SLIT3: variants seen among roughly 807,000 people sequenced by gnomAD.
SLIT3 encodes the protein slit homolog 3 protein.
SLIT3 carries 68 observed loss-of-function variants against 184.0 expected under a neutral mutation model. That is an observed-to-expected ratio of 0.37 (90% CI 0.30 to 0.45). The LOEUF is 0.45. Ranked by LOEUF, SLIT3 falls within the 20% of genes least tolerant of loss-of-function variation. The pLI, the probability that SLIT3 is intolerant of heterozygous loss-of-function variation, is 1.00. For synonymous variants in SLIT3, 831 were observed against 828.6 expected, an observed-to-expected ratio of 1.00 and a Z score of -0.05; for missense variants, 1,707 against 2,026.0, an observed-to-expected ratio of 0.84 and a Z score of 3.02.
intron 4 of SLIT3, among the ~76,000 whole-genome samples, chr5:168,996,445 A>C (rs1303863558): frequency 6.6e-6 from 1 of 152,154 alleles, no homozygotes; most frequent in Non-Finnish European, 1.5e-5. Flanking sequence ...TCAATAAAAT[A>C]TTCTTCCCTA....
At chr5:168,767,271 A>C (rs1448700021) in intron 14 of SLIT3, among the ~76,000 whole-genome samples, 1 of 152,186 alleles carries the variant, frequency 6.6e-6, no homozygotes, top group Admixed American at 6.5e-5. Flanking sequence ...CTCAGCTTCT[A>C]GTTCTGAGCT....
chr5:168,973,791 A>T (rs1294634693), intron 4 of SLIT3, among the ~76,000 whole-genome samples: 1 of 152,142 alleles, frequency 6.6e-6, no homozygotes, highest in African/African-American at 2.4e-5. Flanking sequence ...CACCATGCCT[A>T]CCTCACTGTT....
intron 3 of SLIT3, among the ~76,000 whole-genome samples, chr5:169,230,412 C>G (rs1764962637): frequency 6.6e-6 from 1 of 152,214 alleles, no homozygotes; most frequent in Non-Finnish European, 1.5e-5. Flanking sequence ...CGATTCCTCT[C>G]TACTAGGAGC....
At chr5:168,745,368 AAC>A (rs1763767517) in intron 20 of SLIT3, among the ~76,000 whole-genome samples, 2 of 152,152 alleles carry the variant, frequency 1.3e-5, no homozygotes, top group South Asian at 4.1e-4. Flanking sequence ...AATATTATAT[AAC>A]CTCAGTTGAT....
intron 4 of SLIT3, among the ~76,000 whole-genome samples, chr5:169,081,080 G>A (rs530011085): frequency 2.6e-4 from 39 of 152,262 alleles, no homozygotes; most frequent in African/African-American, 8.7e-4. Flanking sequence ...TTTATGGCCT[G>A]GGGGAACAGG....
intron 3 of SLIT3, among the ~76,000 whole-genome samples, chr5:169,223,673 T>C (rs1764692392): frequency 6.6e-6 from 1 of 152,202 alleles, no homozygotes; most frequent in Non-Finnish European, 1.5e-5. Context: ...CTCCTTGAGC[T>C]TTTTAGGAGA....
intron 5 of SLIT3, among the ~76,000 whole-genome samples, chr5:168,857,389 T>TTTTG (rs759721286): frequency 4.6e-5 from 7 of 151,990 alleles, no homozygotes; most frequent in Non-Finnish European, 8.8e-5. Flanking sequence ...TTTTGTTTTG[T>TTTTG]TTTGTTTTGT....
intron 4 of SLIT3, among the ~76,000 whole-genome samples, chr5:169,168,352 T>C (rs1352099039): frequency 6.6e-6 from 1 of 152,238 alleles, no homozygotes; most frequent in Non-Finnish European, 1.5e-5. Flanking sequence ...TTGTCTTCTA[T>C]TGTTCTACGA....
chr5:168,745,403 G>C (rs1015026012), intron 20 of SLIT3, among the ~76,000 whole-genome samples: 1 of 151,998 alleles, frequency 6.6e-6, no homozygotes, highest in Non-Finnish European at 1.5e-5. Flanking sequence ...GGATTTGAGA[G>C]GACTGACTCC....
intron 3 of SLIT3, among the ~76,000 whole-genome samples, chr5:169,202,355 G>A (rs1238309331): frequency 1.3e-5 from 2 of 152,160 alleles, no homozygotes; most frequent in Non-Finnish European, 2.9e-5. Context: ...TGTGTTAGGT[G>A]TTTTATCTGT....
chr5:169,017,983 A>T (rs1431219005), intron 4 of SLIT3: 2 of 152,208 alleles, frequency 1.3e-5, no homozygotes, highest in African/African-American at 4.8e-5. Context: ...TTATGGTTCT[A>T]CCCATACATC....
At position 169,037,672 on chromosome 5, in the gene SLIT3, C is replaced by A. The variant is rs370646485; in HGVS notation, c.414-154336G>T. 6 of 152,370 alleles carry A rather than the reference C, an allele frequency of 3.9e-5. No homozygotes were observed. The East Asian group carries it at 1.2e-3, about 29-fold the overall frequency. The allele number at this position is 152,370 out of a possible 1,614,324, so 9.4% of individuals were successfully genotyped here. On this transcript the variant is annotated intron_variant, in intron 4 of 35. Transcript: ENST00000519560. ...TCTGACATATAACTCCATCCAGCTT[C>A]ATTCACAGGCTCTCGCTCACCGGGA...
chr5:169,165,689 C>T (rs1402821646), intron 4 of SLIT3, among the ~76,000 whole-genome samples: 1 of 152,178 alleles, frequency 6.6e-6, no homozygotes, highest in Non-Finnish European at 1.5e-5. Context: ...CCTTCCTTGG[C>T]TACCTTATCT....
At chr5:168,755,391 T>TTC (rs1554138472) in intron 16 of SLIT3, among the ~76,000 whole-genome samples, 2 of 7,994 alleles carry the variant, frequency 2.5e-4, no homozygotes, top group Middle Eastern at 0.045. Context: ...GTGCCGCCAT[T>TTC]TCTTTCTTTC....
chr5:168,875,565 C>T (rs540081097), intron 5 of SLIT3, among the ~76,000 whole-genome samples: 8 of 151,684 alleles, frequency 5.3e-5, no homozygotes, highest in East Asian at 3.9e-4. Flanking sequence ...ACCCAGGAGG[C>T]GGAGGTTGCA....
At chr5:169,074,136 C>T (rs1758652058) in intron 4 of SLIT3, among the ~76,000 whole-genome samples, 1 of 152,092 alleles carries the variant, frequency 6.6e-6, no homozygotes, top group South Asian at 2.1e-4. Context: ...GTTTTCAGAG[C>T]CCCAGGTGGA....
chr5:168,934,618 A>G (rs551233287), intron 4 of SLIT3, among the ~76,000 whole-genome samples: 63 of 152,270 alleles, frequency 4.1e-4, no homozygotes, highest in African/African-American at 1.4e-3. Flanking sequence ...TAGAACTGAC[A>G]TGCAAGTTCA....
intron 4 of SLIT3, among the ~76,000 whole-genome samples, chr5:168,934,459 T>A (rs1008543675): frequency 6.6e-6 from 1 of 152,246 alleles, no homozygotes; most frequent in African/African-American, 2.4e-5. Flanking sequence ...TGATAATTAT[T>A]GACTGTATTG....
At chr5:168,989,307 GGGAAGGAAAGCACCTATGAGA>G (rs1459413546) in intron 4 of SLIT3, among the ~76,000 whole-genome samples, 7 of 152,214 alleles carry the variant, frequency 4.6e-5, no homozygotes, top group Non-Finnish European at 1.0e-4. Context: ...AAACTTGACA[GGGAAGGAAAGCACCTATGAGA>G]GGAAGGAACC....
Sources: allele counts gnomAD v4.1 joint callset (sites outside exome capture counted in the v4.1 genomes callset), GRCh38; gene constraint gnomAD v4.1.1; transcripts MANE v1.5; gene names NCBI Gene and HGNC (gene_info 2026-07-23, HGNC 2026-07-21).